The following ZNF410 variants were observed in gnomAD, a reference collection of about 807,000 sequenced individuals.
ZNF410 encodes zinc finger protein 410.
In ZNF410, 18 loss-of-function variants were observed where a neutral mutation model predicts 54.8. The ratio of observed to expected loss-of-function variants is 0.33; its 90% confidence interval spans 0.23 to 0.49. The LOEUF (loss-of-function observed/expected upper bound fraction) is 0.49, where lower values mean the gene tolerates loss of function less well. ZNF410 is among the 20% of genes least tolerant of loss of function. The probability of loss-of-function intolerance (pLI) is 0.99; values close to 1 mark genes in which losing one functional copy is unlikely to be tolerated. For missense variants in ZNF410, 405 were observed against 569.6 expected, an observed-to-expected ratio of 0.71 and a Z score of 2.94; for synonymous variants, 191 against 207.3, an observed-to-expected ratio of 0.92 and a Z score of 0.68.
intron 7 of ZNF410, among the ~76,000 whole-genome samples, chr14:73,907,320 G>A (rs1011516777): frequency 6.6e-6 from 1 of 152,162 alleles, no homozygotes; most frequent in Non-Finnish European, 1.5e-5. Context: ...AGTTCAGGTC[G>A]GGCCCAGTGG....
chr14:73,896,223 T>G, intron 3 of ZNF410, 93 bp from the exon 4 acceptor site: 1 of 874,716 alleles, frequency 1.1e-6, no homozygotes, highest in Non-Finnish European at 1.8e-6. Flanking sequence ...TATAAGGATG[T>G]TAGCTTCCAA....
At chr14:73,888,566 G>GAATGAA (rs1049259701) in intron 1 of ZNF410, among the ~76,000 whole-genome samples, 1 of 152,056 alleles carries the variant, frequency 6.6e-6, no homozygotes, top group African/African-American at 2.4e-5. Flanking sequence ...GTACAACTCT[G>GAATGAA]AATGAACTAA....
chr14:73,896,781 G>C (rs536047285), intron 4 of ZNF410, among the ~76,000 whole-genome samples: 1 of 152,242 alleles, frequency 6.6e-6, no homozygotes, highest in Admixed American at 6.5e-5. Flanking sequence ...AGGCTTGGGG[G>C]AGGATGATTA....
chr14:73,894,082 A>T, intron 3 of ZNF410, 150 bp downstream of exon 3: 1 of 976,286 alleles, frequency 1.0e-6, no homozygotes, highest in Non-Finnish European at 1.5e-6. Context: ...CCATGAAATC[A>T]TTAGTGCATT....
At position 73,932,490 on chromosome 14, in the gene ZNF410, G is replaced by A. The variant is rs1295591604; in HGVS notation, c.*949G>A. On this transcript the variant is annotated 3_prime_UTR_variant, in exon 12 of 12. Coordinates refer to ENST00000555044, the MANE Select transcript of ZNF410 (RefSeq NM_021188.3). ...CAAAAAAGACGCATCTGAGAAAATG[G>A]CAATAAAAACAGATACTTCTGAATT... The A allele has an allele frequency of 2.2e-6, 1 of 453,324 alleles. No homozygotes were observed. The allele number at this position is 453,324 out of a possible 1,614,324, so 28.1% of individuals were successfully genotyped here.
At chr14:73,901,933 C>CAA (rs200015374) in intron 5 of ZNF410, among the ~76,000 whole-genome samples, 149 of 126,358 alleles carry the variant, frequency 1.2e-3, no homozygotes, top group East Asian at 8.1e-3. Context: ...GACCCTGTCT[C>CAA]AAAAAAAAAA....
chr14:73,912,256 G>A (rs893359846), intron 8 of ZNF410, among the ~76,000 whole-genome samples: 19 of 148,632 alleles, frequency 1.3e-4, no homozygotes, highest in East Asian at 2.0e-4. Flanking sequence ...TGCAGCCTCC[G>A]CCTCCTGGGT....
chr14:73,901,504 T>A (rs1004005968), intron 5 of ZNF410, among the ~76,000 whole-genome samples: 3 of 152,114 alleles, frequency 2.0e-5, no homozygotes, highest in African/African-American at 7.2e-5. Flanking sequence ...AGGAGGAGTT[T>A]CAGTGATTTC....
intron 8 of ZNF410, among the ~76,000 whole-genome samples, chr14:73,910,815 TTGCGCC>T: frequency 7.0e-6 from 1 of 142,944 alleles, no homozygotes; most frequent in African/African-American, 2.8e-5. Context: ...TGAGTTGTGA[TTGCGCC>T]ACTGCACTGC....
intron 11 of ZNF410, among the ~76,000 whole-genome samples, chr14:73,928,381 G>A (rs1566668776): frequency 6.6e-6 from 1 of 152,096 alleles, no homozygotes. Flanking sequence ...GAAGAGATGG[G>A]CTGGAGAGGA....
intron 4 of ZNF410, among the ~76,000 whole-genome samples, chr14:73,897,199 C>T (rs556226716): frequency 1.3e-5 from 2 of 152,254 alleles, no homozygotes; most frequent in East Asian, 3.9e-4. Context: ...GCAATTGTTA[C>T]TGTGGTAGCT....
intron 9 of ZNF410, 53 bp downstream of exon 9, chr14:73,921,158 C>T: frequency 1.2e-6 from 2 of 1,602,776 alleles, no homozygotes; most frequent in Non-Finnish European, 1.7e-6. Flanking sequence ...GTTCCAAGAG[C>T]CAAATCACTG....
chr14:73,903,647 G>A (rs2055440202), intron 5 of ZNF410: 1 of 298,490 alleles, frequency 3.4e-6, no homozygotes, highest in Non-Finnish European at 6.3e-6. Flanking sequence ...CACCATGCCT[G>A]TCTAATTTTT....
intron 11 of ZNF410, among the ~76,000 whole-genome samples, chr14:73,927,463 G>A (rs1008018707): frequency 1.3e-5 from 2 of 152,078 alleles, no homozygotes; most frequent in Non-Finnish European, 2.9e-5. Flanking sequence ...AAACCATCTC[G>A]TTTTTCTTTT....
chr14:73,906,595 C>T (rs1439713442), intron 7 of ZNF410, among the ~76,000 whole-genome samples: 6 of 152,204 alleles, frequency 3.9e-5, no homozygotes, highest in Admixed American at 1.3e-4. Context: ...TTTCTCATGC[C>T]TCAGCTTCCC....
chr14:73,897,401 T>A (rs756545247), intron 4 of ZNF410, among the ~76,000 whole-genome samples: 1 of 152,158 alleles, frequency 6.6e-6, no homozygotes, highest in African/African-American at 2.4e-5. Context: ...TTAGGACATA[T>A]TTAAAGACAT....
At chr14:73,894,715 C>G (rs989449751) in intron 3 of ZNF410, among the ~76,000 whole-genome samples, 2 of 152,184 alleles carry the variant, frequency 1.3e-5, no homozygotes, top group Non-Finnish European at 2.9e-5. Context: ...GCGTGAGCCA[C>G]TGCGCCAGGC....
chr14:73,897,938 C>T, intron 4 of ZNF410, 133 bp from the exon 5 acceptor site: 1 of 846,180 alleles, frequency 1.2e-6, no homozygotes, highest in Non-Finnish European at 1.8e-6. Context: ...CGCCACTGCA[C>T]TCCAGCCTGG....
intron 11 of ZNF410, among the ~76,000 whole-genome samples, chr14:73,926,635 A>G (rs989156549): frequency 4.6e-5 from 7 of 151,826 alleles, no homozygotes; most frequent in Non-Finnish European, 8.8e-5. Flanking sequence ...GGCTTTTACC[A>G]TGTTGGCCAG....
Sources: gnomAD v4.1 joint callset for allele counts (sites outside exome capture counted in the v4.1 genomes callset) on GRCh38, gnomAD v4.1.1 for gene constraint, MANE v1.5 for transcripts, NCBI Gene and HGNC (gene_info 2026-07-23, HGNC 2026-07-21) for gene names.